Variants in GNA11 observed in about 807,000 individuals in gnomAD.
GNA11 encodes the protein guanine nucleotide-binding protein subunit alpha-11.
GNA11 carries 8 observed loss-of-function variants against 38.2 expected under a neutral mutation model. The ratio of observed to expected loss-of-function variants is 0.21; its 90% CI spans 0.12 to 0.38. The LOEUF is 0.38. Among genes scored for constraint, GNA11 ranks in the 10% least tolerant of loss-of-function variants. The probability of loss-of-function intolerance (pLI) is 1.00; values close to 1 mark genes in which losing one functional copy is unlikely to be tolerated. For synonymous variants in GNA11, 211 were observed against 221.4 expected, an observed-to-expected ratio of 0.95 and a Z score of 0.42; for missense variants, 268 against 516.3, an observed-to-expected ratio of 0.52 and a Z score of 4.66.
rs1032033384 is a variant in GNA11 at position 3,110,893 on chromosome 19, G to T, written c.321+560G>T. The stretch of plus-strand genomic sequence containing the variant: ...GGCTCATCACAGCCTGGACCTTCTG[G>T]GCTCAGGTGATCCCACCACAGCCTC... On this transcript the variant is annotated intron_variant, in intron 2 of 6. Coordinates refer to ENST00000078429, the MANE Select transcript of GNA11 (RefSeq NM_002067.5). This position sits in a 1 kb window ranked among gnomAD's most constrained non-coding sequence, Gnocchi z 5.4. Among the ~76,000 whole-genome samples the T allele has an allele frequency of 3.3e-5, 5 of 152,068 alleles. No homozygotes were observed. The highest frequency in any genetic ancestry group is 7.4e-5 in the Non-Finnish European group (5 of 68,026).
Position 3,110,697 on chromosome 19 carries a change from C to T in GNA11, c.321+364C>T, listed in dbSNP as rs1913754048. On this transcript the variant is annotated intron_variant, in intron 2 of 6. Transcript: ENST00000078429. The surrounding 1 kb of genome is among the most constrained non-coding windows in gnomAD (Gnocchi z 5.4). ...GCAGCGTGAGCTCCTGGTTCCGGCC[C>T]CTTCCCCAGGCTGAGCAGCCTACCA... 6.6e-6 allele frequency among the ~76,000 whole-genome samples: 1 copy of T among 152,234 alleles called. No homozygotes were observed. The highest frequency in any genetic ancestry group is 1.5e-5 in the Non-Finnish European group (1 of 68,048).
At chr19:3,097,839 T>A (rs952185932) in intron 1 of GNA11, among the ~76,000 whole-genome samples, 1 of 152,192 alleles carries the variant, frequency 6.6e-6, no homozygotes, top group African/African-American at 2.4e-5. Flanking sequence ...GGGGTGGGGC[T>A]GCCCTGGGCA....
rs538851067 is a variant in GNA11, at chr19:3,122,949, C to A, written c.*1770C>A. On this transcript the variant is annotated 3_prime_UTR_variant, in exon 7 of 7. Coordinates refer to ENST00000078429, the MANE Select transcript of GNA11 (RefSeq NM_002067.5). The surrounding 1 kb of genome is among the most constrained non-coding windows in gnomAD (Gnocchi z 7.7). ...GGAGACGGGGCTGGCGGGATACCCC[C>A]CCCCCGGCTTCCCCACACCACTTCT... 1.7e-5 allele frequency: 4 copies of A among 233,442 alleles called. No individual in the cohort carries two copies. The East Asian group carries it at 2.4e-4, about 14-fold the overall frequency. The allele number at this position is 233,442 out of a possible 1,614,324, so 14.5% of individuals were successfully genotyped here.
At chr19:3,109,678 TG>T (rs1913723082) in intron 1 of GNA11, among the ~76,000 whole-genome samples, 3 of 152,024 alleles carry the variant, frequency 2.0e-5, no homozygotes, top group South Asian at 4.1e-4. Flanking sequence ...GCCCAGCCCT[TG>T]GGGTGGTCTG....
intron 1 of GNA11, among the ~76,000 whole-genome samples, chr19:3,095,361 G>T (rs1228324259): frequency 6.6e-6 from 1 of 152,004 alleles, no homozygotes; most frequent in Non-Finnish European, 1.5e-5. Context: ...TTACCCCACC[G>T]GAGTACCCAC....
intron 1 of GNA11, among the ~76,000 whole-genome samples, chr19:3,097,571 G>T (rs527804580): frequency 6.6e-6 from 1 of 152,340 alleles, no homozygotes; most frequent in African/African-American, 2.4e-5. Flanking sequence ...GAAGAACGCC[G>T]CGTCTGCTCG....
Position 3,113,682 on chromosome 19 carries a change from G to A in GNA11, c.476+198G>A, listed in dbSNP as rs567676174. On this transcript the variant is annotated intron_variant, in intron 3 of 6. Coordinates refer to ENST00000078429, the MANE Select transcript of GNA11 (RefSeq NM_002067.5). ...GAGGGGCCACGCCTTGGCAGGAGCC[G>A]GTGGACTCTGGTGTGACACTGGCCT... is the stretch of plus-strand genomic sequence containing the variant. 1.5e-3 allele frequency among the ~76,000 whole-genome samples: 231 copies of A among 152,316 alleles called. 1 individual carries two copies. Among genetic ancestry groups the A allele is most frequent in the African/African-American group, 5.3e-3 (220 of 41,576 alleles).
chr19:3,113,414 T>A lies in GNA11; in HGVS notation c.406T>A (p.Trp136Arg). Residue 136 changes from tryptophan (W) to arginine (R), a missense_variant, in exon 3 of 7, where the codon TGG (tryptophan) becomes AGG (arginine). By Grantham distance (101) the Trp-to-Arg change is moderately radical. Coordinates refer to ENST00000078429, the MANE Select transcript of GNA11 (RefSeq NM_002067.5). ...GTACGTCAGTGCCATCAAGACCCTGTGGGAGGACCCGGGCATCCAGGAATG... is the reference window on the plus strand; with the variant it reads ...GTACGTCAGTGCCATCAAGACCCTGAGGGAGGACCCGGGCATCCAGGAATG... Reference protein sequence around the residue: ...HQYVSAIKTLWEDPGIQECYD... With the variant: ...HQYVSAIKTLREDPGIQECYD... 6.2e-7 allele frequency: 1 copy of A among 1,613,198 alleles called. No homozygotes were observed. The highest frequency in any genetic ancestry group is 8.5e-7 in the Non-Finnish European group (1 of 1,179,652).
Position 3,119,765 on chromosome 19 carries a change from A to G in GNA11, c.889+406A>G, listed in dbSNP as rs1020378094. On this transcript the variant is annotated intron_variant, in intron 6 of 6. Transcript: ENST00000078429. The surrounding 1 kb of genome is among the most constrained non-coding windows in gnomAD (Gnocchi z 4.6). ...GGGTGTCCTGTATAGGTGATCCCAT[A>G]TGGGAGGGGTCTCACAGGAAGGGTT... Among the ~76,000 whole-genome samples, 2 of 151,546 alleles carry G rather than the reference A, an allele frequency of 1.3e-5. No individual in the cohort carries two copies. Among genetic ancestry groups the G allele is most frequent in the African/African-American group, 4.9e-5 (2 of 41,202 alleles).
At chr19:3,116,754 C>T (rs879417241) in intron 4 of GNA11, among the ~76,000 whole-genome samples, 7 of 152,232 alleles carry the variant, frequency 4.6e-5, no homozygotes, top group South Asian at 2.1e-4. Flanking sequence ...TCCTGCAGTG[C>T]AAGCTCGCCC....
At chr19:3,111,178 T>C (rs1214307001) in intron 2 of GNA11, among the ~76,000 whole-genome samples, 1 of 152,194 alleles carries the variant, frequency 6.6e-6, no homozygotes, top group African/African-American at 2.4e-5. Flanking sequence ...TATTGAGTTA[T>C]AATTCACATT....
At position 3,119,020 on chromosome 19, in the gene GNA11, A is replaced by G. The variant is rs2096726116; in HGVS notation, c.702A>G (p.Glu234=). Residue 234 remains glutamate (E), a synonymous_variant, in exon 5 of 7, where the codon GAA becomes GAG. Transcript: ENST00000078429. The surrounding 1 kb of genome is among the most constrained non-coding windows in gnomAD (Gnocchi z 4.6). ...TSIMFLVALS[E]YDQVLVESDN... is the part of the protein sequence containing the mutation. ...TCATGTTTCTCGTCGCCCTCAGCGA[A>G]TACGACCAAGTCCTGGTGGAGTCGG... 6.2e-7 allele frequency: 1 copy of G among 1,613,944 alleles called. No homozygotes were observed. Among genetic ancestry groups the G allele is most frequent in the Non-Finnish European group, 8.5e-7 (1 of 1,179,962 alleles).
At chr19:3,101,576 C>G (rs1034315926) in intron 1 of GNA11, among the ~76,000 whole-genome samples, 7 of 152,064 alleles carry the variant, frequency 4.6e-5, no homozygotes, top group Non-Finnish European at 8.8e-5. Context: ...GCTCCGGACT[C>G]CTGCCCTTCC....
In GNA11 at chr19:3,120,932, CG is replaced by C. The variant is rs963369532; in HGVS notation, c.890-56del. On this transcript the variant is annotated intron_variant, in intron 6 of 6. Transcript: ENST00000078429. This position sits in a 1 kb window ranked among gnomAD's most constrained non-coding sequence, Gnocchi z 5.9. ...CCCCTGGGAGTGACAAAGGGGCCCA[CG>C]AGTCCCTTGCCCTGGGCCGGGCTGG... is the stretch of plus-strand genomic sequence containing the variant. The C allele has an allele frequency of 9.7e-6, 13 of 1,340,042 alleles. No individual in the cohort carries two copies. The African/African-American group carries it at 1.2e-4, about 12-fold the overall frequency. The allele number at this position is 1,340,042 out of a possible 1,614,324, so 83.0% of individuals were successfully genotyped here.
At chr19:3,103,704 GTAAATTTTTTTTTTTT>G (rs961986987) in intron 1 of GNA11, among the ~76,000 whole-genome samples, 3 of 145,792 alleles carry the variant, frequency 2.1e-5, no homozygotes, top group African/African-American at 7.6e-5. Context: ...TTTTTTTTTT[GTAAATTTTTTTTTTTT>G]GAGACAAGAG....
rs1456702480 is a variant in GNA11 at position 3,120,510 on chromosome 19, G to T, written c.890-479G>T. On this transcript the variant is annotated intron_variant, in intron 6 of 6. Coordinates refer to ENST00000078429, the MANE Select transcript of GNA11 (RefSeq NM_002067.5). The surrounding 1 kb of genome is among the most constrained non-coding windows in gnomAD (Gnocchi z 5.9). Reference sequence around the variant, plus strand: ...GGGCAGGGGTGGCCGGTGGGAAGCAGCGCCCCTGCTGGAGCCCCTGGATGT... The same window carrying T: ...GGGCAGGGGTGGCCGGTGGGAAGCATCGCCCCTGCTGGAGCCCCTGGATGT... 3.4e-4 allele frequency among the ~76,000 whole-genome samples: 51 copies of T among 152,088 alleles called. No individual in the cohort carries two copies. The highest frequency in any genetic ancestry group is 3.3e-3 in the Admixed American group (51 of 15,280).
chr19:3,103,494 T>A (rs1913554579), intron 1 of GNA11, among the ~76,000 whole-genome samples: 1 of 140,230 alleles, frequency 7.1e-6, no homozygotes, highest in Admixed American at 7.4e-5. Context: ...ATTACAGGCG[T>A]GAGCCACTGC....
intron 1 of GNA11, among the ~76,000 whole-genome samples, chr19:3,095,212 T>A (rs1482316989): frequency 6.6e-6 from 1 of 152,142 alleles, no homozygotes; most frequent in Admixed American, 6.5e-5. Context: ...GTGTCTGTCC[T>A]GTCTGGATCA....
chr19:3,118,787 C>A, intron 4 of GNA11, 137 bp from the exon 5 acceptor site: 1 of 801,804 alleles, frequency 1.2e-6, no homozygotes, highest in Non-Finnish European at 2.1e-6. Flanking sequence ...CTTGCCCGTT[C>A]TAAGAGTGGG....
Sources: gnomAD v4.1 joint callset for allele counts (sites outside exome capture counted in the v4.1 genomes callset) on GRCh38, gnomAD v4.1.1 for gene constraint, Gnocchi (gnomAD v3.1) non-coding constraint, MANE v1.5 for transcripts, NCBI Gene and HGNC (gene_info 2026-07-23, HGNC 2026-07-21) for gene names.